Variants in OR3A2 observed in about 807,000 individuals in gnomAD.
OR3A2 encodes the protein olfactory receptor 3A2.
For missense variants in OR3A2, 318 were observed against 392.8 expected (o/e 0.81, Z 1.61); for synonymous variants, 126 against 159.3 (o/e 0.79, Z 1.57).
At chr17:3,324,578 G>A (rs1691656499) in intron 3 of OR3A2, among the ~76,000 whole-genome samples, 1 of 152,100 alleles carries the variant, frequency 6.6e-6, no homozygotes, top group Non-Finnish European at 1.5e-5. Context: ...CCTTCTAACA[G>A]ACAGGACCAT....
chr17:3,334,671 G>C (rs973840116), intron 3 of OR3A2, among the ~76,000 whole-genome samples: 1 of 152,142 alleles, frequency 6.6e-6, no homozygotes, highest in Non-Finnish European at 1.5e-5. Flanking sequence ...ATTTTAAGCA[G>C]AACTGGGTTA....
chr17:3,385,009 T>C (rs952219697), intron 1 of OR3A2, among the ~76,000 whole-genome samples: 2 of 151,732 alleles, frequency 1.3e-5, no homozygotes, highest in African/African-American at 4.8e-5. Flanking sequence ...CTGACCAACA[T>C]GGAGAAACCC....
exon 1 of OR3A2, chr17:3,386,234 ACTT>A (rs1262894455): frequency 7.5e-6 from 3 of 398,210 alleles, no homozygotes; most frequent in Non-Finnish European, 1.3e-5. Context: ...GCCGAGATGT[ACTT>A]CTTCGTGGCT....
In OR3A2 at chr17:3,376,131, G is replaced by C. The variant is rs113834525; in HGVS notation, c.-179+7673C>G. Among the ~76,000 whole-genome samples the C allele has an allele frequency of 8.9e-3, 1,358 of 152,340 alleles. 23 individuals are homozygous for C. Among genetic ancestry groups the C allele is most frequent in the African/African-American group, 0.031 (1,272 of 41,554 alleles). ...CAAACTCAGGATCTCTGGTTGACCA[G>C]GGTGTTGCAAACAGTGGAATGAGAT... On this transcript the variant is annotated intron_variant, in intron 2 of 4. Transcript: ENST00000573491.
chr17:3,282,302 A>T (rs2048781650), intron 1 of OR3A2, among the ~76,000 whole-genome samples: 1 of 152,180 alleles, frequency 6.6e-6, no homozygotes, highest in East Asian at 1.9e-4. Flanking sequence ...GCTACTCCGG[A>T]GGCTGAGGCA....
At chr17:3,328,777 A>C (rs1218189740) in intron 3 of OR3A2, among the ~76,000 whole-genome samples, 1 of 143,334 alleles carries the variant, frequency 7.0e-6, no homozygotes, top group Non-Finnish European at 1.5e-5. Flanking sequence ...AGGGTTGTTG[A>C]ATTTTGTCAA....
At chr17:3,279,426 G>T (rs2048764213) in intron 1 of OR3A2, among the ~76,000 whole-genome samples, 1 of 152,204 alleles carries the variant, frequency 6.6e-6, no homozygotes, top group Admixed American at 6.5e-5. Context: ...TTTTCCTATT[G>T]CTCTCTGAGG....
chr17:3,328,088 G>T (rs1418758922), intron 3 of OR3A2, among the ~76,000 whole-genome samples: 1 of 145,724 alleles, frequency 6.9e-6, no homozygotes, highest in Non-Finnish European at 1.5e-5. Flanking sequence ...TTCCAATTCT[G>T]TGAAGAAAGT....
intron 2 of OR3A2, among the ~76,000 whole-genome samples, chr17:3,347,645 T>C (rs2049378592): frequency 6.6e-6 from 1 of 152,232 alleles, no homozygotes; most frequent in African/African-American, 2.4e-5. Context: ...AGTCTATCAT[T>C]GTTGGACATT....
intron 2 of OR3A2, among the ~76,000 whole-genome samples, chr17:3,347,846 A>T (rs1351006876): frequency 3.3e-5 from 5 of 152,176 alleles, no homozygotes; most frequent in East Asian, 3.8e-4. Flanking sequence ...GTTGAACTAG[A>T]TTACAGTCCC....
intron 3 of OR3A2, among the ~76,000 whole-genome samples, chr17:3,332,245 C>T (rs903364632): frequency 6.6e-6 from 1 of 152,224 alleles, no homozygotes; most frequent in Admixed American, 6.5e-5. Context: ...CCACCCAGTT[C>T]GAGCTTCGCG....
chr17:3,305,221 G>A (rs6502718), intron 3 of OR3A2, among the ~76,000 whole-genome samples: 25,240 of 152,052 alleles, frequency 0.17, 2,981 homozygotes, highest in African/African-American at 0.33. Context: ...TGATGTCTGC[G>A]TCTAGAGGGG....
At chr17:3,310,338 T>C (rs1567550117) in intron 3 of OR3A2, 1 of 534,538 alleles carries the variant, frequency 1.9e-6, no homozygotes, top group African/African-American at 1.9e-5. Flanking sequence ...AGGGAATGAT[T>C]CAGTTGTGAC....
At position 3,350,549 on chromosome 17, in the gene OR3A2, C is replaced by A. The variant is rs12325925; in HGVS notation, c.-178-14423G>T. Among the ~76,000 whole-genome samples the A allele has an allele frequency of 8.8e-3, 1,336 of 151,628 alleles. 20 individuals carry two copies. Among genetic ancestry groups the A allele is most frequent in the African/African-American group, 0.031 (1,271 of 41,426 alleles). ...AATTGTGGCAATAATCAATAGCTTA[C>A]CAACCAAAAAGAGTCCAGGACCAGA... On this transcript the variant is annotated intron_variant, in intron 2 of 4. Transcript: ENST00000573491.
At chr17:3,315,752 G>GC (rs2049076781) in intron 3 of OR3A2, among the ~76,000 whole-genome samples, 2 of 35,060 alleles carry the variant, frequency 5.7e-5, no homozygotes, top group African/African-American at 3.5e-4. Flanking sequence ...GTGAAAATAT[G>GC]GGGGGGGGGG....
chr17:3,300,293 T>C (rs150496461), intron 3 of OR3A2, among the ~76,000 whole-genome samples: 1 of 152,206 alleles, frequency 6.6e-6, no homozygotes, highest in African/African-American at 2.4e-5. Flanking sequence ...GAGCAGTGGC[T>C]TACGCCTGTA....
chr17:3,280,103 C>T lies in OR3A2; in HGVS notation c.-6-1180G>A, dbSNP rs1475004601. 2.6e-5 allele frequency among the ~76,000 whole-genome samples: 4 copies of T among 152,270 alleles called. No homozygotes were observed. In the East Asian group the frequency reaches 7.7e-4, roughly 29 times the overall value. Reference sequence around the variant, plus strand: ...TCCTCTCTAAAACCAAAGTTGTGGTCATAGCCTGTGGGTTGGTTGCCGCCA... The same window carrying T: ...TCCTCTCTAAAACCAAAGTTGTGGTTATAGCCTGTGGGTTGGTTGCCGCCA... On this transcript the variant is annotated intron_variant, in intron 1 of 1. Transcript: ENST00000642052.
chr17:3,337,652 A>AT (rs1342719795), intron 2 of OR3A2, among the ~76,000 whole-genome samples: 1 of 151,864 alleles, frequency 6.6e-6, no homozygotes, highest in Non-Finnish European at 1.5e-5. Context: ...AATGTGCCAC[A>AT]TTTTCTTAAT....
Position 3,329,318 on chromosome 17 carries a change from T to A in OR3A2, c.-85+6715A>T, listed in dbSNP as rs1270597429. Among the ~76,000 whole-genome samples, 3 of 149,766 alleles carry A rather than the reference T, an allele frequency of 2.0e-5. No homozygotes were observed. In the South Asian group the frequency reaches 6.5e-4, roughly 32 times the overall value. On this transcript the variant is annotated intron_variant, in intron 3 of 4. Transcript: ENST00000573491. The stretch of plus-strand genomic sequence containing the variant: ...TTCCTCCTTGTACCTCTGGTAGAAT[T>A]TGGCTGTGAATCCATCTGGTCCTGG...
Sources: gnomAD v4.1 joint callset for allele counts (sites outside exome capture counted in the v4.1 genomes callset) on GRCh38, gnomAD v4.1.1 for gene constraint, MANE v1.5 for transcripts, NCBI Gene and HGNC (gene_info 2026-07-23, HGNC 2026-07-21) for gene names.